Variants in SLC2A13 observed in about 807,000 individuals in gnomAD.
SLC2A13 encodes the protein solute carrier family 2 member 13, also known as proton myo-inositol cotransporter.
Under a neutral mutation model 64.4 loss-of-function variants are expected in SLC2A13, and 32 were observed. The observed-to-expected ratio is 0.50, with a 90% CI of 0.37 to 0.67. The LOEUF is 0.67. Among genes scored for constraint, SLC2A13 ranks in the 30% least tolerant of loss-of-function variants. The pLI, the probability that SLC2A13 is intolerant of heterozygous loss-of-function variation, is 0.00. For missense variants in SLC2A13, 743 were observed against 829.2 expected (o/e 0.90, Z 1.28); for synonymous variants, 338 against 327.1 (o/e 1.03, Z -0.36).
rs1265959041 is a variant in SLC2A13, at chr12:40,043,692, C to T, written c.716+4359G>A. ...GAACTTTATCATTAATATTAACTAT[C>T]GAAACATCTCTGCCATCTTTGTCAA... On this transcript the variant is annotated intron_variant, in intron 2 of 9. Transcript: ENST00000280871. Among the ~76,000 whole-genome samples, 7 of 151,938 alleles carry T rather than the reference C, an allele frequency of 4.6e-5. No individual in the cohort carries two copies. The East Asian group carries it at 9.7e-4, about 21-fold the overall frequency.
intron 4 of SLC2A13, among the ~76,000 whole-genome samples, chr12:39,945,951 G>A (rs1274123902): frequency 2.0e-5 from 3 of 152,066 alleles, no homozygotes; most frequent in Non-Finnish European, 4.4e-5. Context: ...ATATAGCCAT[G>A]GTTGGCCTTC....
At chr12:39,923,067 ATACT>A (rs1945643212) in intron 4 of SLC2A13, among the ~76,000 whole-genome samples, 1 of 152,230 alleles carries the variant, frequency 6.6e-6, no homozygotes, top group African/African-American at 2.4e-5. Context: ...TAAATAGCAG[ATACT>A]TAGTATCTAT....
At chr12:39,812,635 G>T (rs1942211439) in intron 7 of SLC2A13, among the ~76,000 whole-genome samples, 1 of 151,714 alleles carries the variant, frequency 6.6e-6, no homozygotes, top group East Asian at 1.9e-4. Context: ...GCTACGCCCG[G>T]CTGATTTGTA....
At chr12:39,986,732 G>C (rs970434538) in intron 3 of SLC2A13, among the ~76,000 whole-genome samples, 12 of 149,946 alleles carry the variant, frequency 8.0e-5, no homozygotes, top group African/African-American at 2.9e-4. Context: ...TTTATGGACA[G>C]AAATCAGTCT....
At chr12:39,926,953 A>G (rs1238717488) in intron 4 of SLC2A13, among the ~76,000 whole-genome samples, 1 of 152,192 alleles carries the variant, frequency 6.6e-6, no homozygotes, top group Non-Finnish European at 1.5e-5. Flanking sequence ...TAGAGGTTTC[A>G]TTTATAGAGA....
chr12:39,888,605 A>C (rs1261683942), intron 4 of SLC2A13, among the ~76,000 whole-genome samples: 6 of 152,214 alleles, frequency 3.9e-5, no homozygotes, highest in Non-Finnish European at 8.8e-5. Flanking sequence ...CTACTTTTGA[A>C]TGTTTATTCT....
intron 6 of SLC2A13, among the ~76,000 whole-genome samples, chr12:39,852,251 G>A (rs542088324): frequency 2.6e-5 from 4 of 152,280 alleles, no homozygotes; most frequent in South Asian, 2.1e-4. Context: ...AGATGGACCC[G>A]TCTCTGGTAT....
At chr12:40,076,999 G>A (rs1037980786) in intron 1 of SLC2A13, among the ~76,000 whole-genome samples, 1 of 151,850 alleles carries the variant, frequency 6.6e-6, no homozygotes, top group African/African-American at 2.4e-5. Flanking sequence ...TTTTTTACTG[G>A]GGCTGTTTGA....
chr12:40,094,537 T>C (rs1324332615), intron 1 of SLC2A13, among the ~76,000 whole-genome samples: 1 of 152,064 alleles, frequency 6.6e-6, no homozygotes, highest in Non-Finnish European at 1.5e-5. Context: ...ATGCCTTTGG[T>C]AGGACAAGTA....
chr12:39,773,901 T>C (rs1940674616), intron 7 of SLC2A13, among the ~76,000 whole-genome samples: 1 of 152,226 alleles, frequency 6.6e-6, no homozygotes. Context: ...ACATCTACCA[T>C]CGTTCTACTG....
At chr12:39,989,931 G>A (rs1336373368) in intron 3 of SLC2A13, among the ~76,000 whole-genome samples, 2 of 152,112 alleles carry the variant, frequency 1.3e-5, no homozygotes, top group East Asian at 1.9e-4. Context: ...CTTAGTGATC[G>A]GTTTATGGTT....
At chr12:39,841,369 T>A (rs955670034) in intron 6 of SLC2A13, among the ~76,000 whole-genome samples, 3 of 152,130 alleles carry the variant, frequency 2.0e-5, no homozygotes, top group Admixed American at 6.6e-5. Context: ...GCATTTCATC[T>A]GAACAAAATG....
At chr12:39,978,813 A>T (rs1434022146) in intron 3 of SLC2A13, among the ~76,000 whole-genome samples, 1 of 152,006 alleles carries the variant, frequency 6.6e-6, no homozygotes, top group African/African-American at 2.4e-5. Context: ...AACTGGGTGG[A>T]GCCCACCACA....
chr12:39,968,465 A>C (rs28370717), intron 3 of SLC2A13, among the ~76,000 whole-genome samples: 114 of 152,020 alleles, frequency 7.5e-4, no homozygotes, highest in African/African-American at 2.7e-3. Flanking sequence ...TTCCAACACA[A>C]AGATTCTCGG....
At chr12:39,785,061 G>A (rs1392643265) in intron 7 of SLC2A13, among the ~76,000 whole-genome samples, 2 of 152,202 alleles carry the variant, frequency 1.3e-5, no homozygotes, top group Non-Finnish European at 2.9e-5. Flanking sequence ...ATTTTCTGGG[G>A]AGAAATTCAA....
At position 40,080,771 on chromosome 12, in the gene SLC2A13, T is replaced by C. The variant is rs561832810; in HGVS notation, c.556+24482A>G. On this transcript the variant is annotated intron_variant, in intron 1 of 9. Coordinates refer to ENST00000280871, the MANE Select transcript of SLC2A13 (RefSeq NM_052885.4). ...GTTGTTAGTAGGTTGTTATGCAGAC[T>C]TGATTATATAATTGCTCTATAGTGT... 3.3e-5 allele frequency among the ~76,000 whole-genome samples: 5 copies of C among 152,346 alleles called. No individual in the cohort carries two copies. In the South Asian group the frequency reaches 8.3e-4, roughly 25 times the overall value.
intron 1 of SLC2A13, among the ~76,000 whole-genome samples, chr12:40,096,436 C>A (rs1456209540): frequency 5.3e-5 from 8 of 151,320 alleles, no homozygotes; most frequent in Non-Finnish European, 1.2e-4. Context: ...CAATCTGTTG[C>A]CTTGCTTTTA....
intron 7 of SLC2A13, among the ~76,000 whole-genome samples, chr12:39,788,349 G>T (rs1566789942): frequency 6.6e-6 from 1 of 152,100 alleles, no homozygotes; most frequent in African/African-American, 2.4e-5. Flanking sequence ...ACAAATAAGG[G>T]TTACTTGAAC....
chr12:40,048,848 T>C (rs1240446893), intron 1 of SLC2A13, among the ~76,000 whole-genome samples: 1 of 152,174 alleles, frequency 6.6e-6, no homozygotes, highest in African/African-American at 2.4e-5. Context: ...ACTTCACTGA[T>C]AACCAGAATT....
Sources: gnomAD v4.1 joint callset for allele counts (sites outside exome capture counted in the v4.1 genomes callset) on GRCh38, gnomAD v4.1.1 for gene constraint, MANE v1.5 for transcripts, NCBI Gene and HGNC (gene_info 2026-07-23, HGNC 2026-07-21) for gene names.